ATRNL1: variants seen among roughly 807,000 people sequenced by gnomAD.
ATRNL1 encodes attractin-like protein 1.
Under a neutral mutation model 182.7 loss-of-function variants are expected in ATRNL1, and 95 were observed. The observed-to-expected ratio is 0.52, with a 90% CI of 0.44 to 0.62. The LOEUF is 0.62. Ranked by LOEUF, ATRNL1 falls within the 20% of genes least tolerant of loss-of-function variation. ATRNL1 has a pLI of 0.00. For synonymous variants in ATRNL1, 576 were observed against 568.3 expected (o/e 1.01, Z -0.19); for missense variants, 1,471 against 1,679.5 (o/e 0.88, Z 2.17).
In ATRNL1 at chr10:115,937,578, A is replaced by G. The variant is rs144701106; in HGVS notation, c.4019-7080A>G. Among the ~76,000 whole-genome samples, 710 of 152,378 alleles carry G rather than the reference A, an allele frequency of 4.7e-3. 2 individuals carry two copies. The highest frequency in any genetic ancestry group is 0.014 in the Middle Eastern group (4 of 294). On this transcript the variant is annotated intron_variant, in intron 28 of 28. Transcript: ENST00000355044. ...TAGTTGCATATTGGCGAGGGTGGCC[A>G]CACCGAATGTTAAATTAAGTCTGCA...
intron 28 of ATRNL1, among the ~76,000 whole-genome samples, chr10:115,938,458 G>A (rs1555123385): frequency 6.6e-6 from 1 of 152,140 alleles, no homozygotes; most frequent in African/African-American, 2.4e-5. Context: ...AATTTCAGGA[G>A]GCATATATTG....
chr10:115,528,037 TCTTCCTTCCTTCCTTC>T (rs782541010), intron 25 of ATRNL1, among the ~76,000 whole-genome samples: 15 of 53,488 alleles, frequency 2.8e-4, no homozygotes, highest in Non-Finnish European at 4.3e-4. Context: ...CTCCTTCCTT[TCTTCCTTCCTTCCTTC>T]CTTCCTTCCT....
intron 27 of ATRNL1, among the ~76,000 whole-genome samples, chr10:115,829,465 C>T (rs997771191): frequency 5.3e-5 from 8 of 150,310 alleles, no homozygotes; most frequent in African/African-American, 2.0e-4. Context: ...ACTTTGCAGT[C>T]TCTTCAGGAG....
chr10:115,836,155 T>G, intron 27 of ATRNL1, among the ~76,000 whole-genome samples: 1 of 152,160 alleles, frequency 6.6e-6, no homozygotes, highest in East Asian at 1.9e-4. Context: ...CATAACTAAG[T>G]GAATCTCCCT....
At chr10:115,747,020 T>A (rs1948311741) in intron 27 of ATRNL1, among the ~76,000 whole-genome samples, 1 of 152,046 alleles carries the variant, frequency 6.6e-6, no homozygotes, top group African/African-American at 2.4e-5. Context: ...AGCAATAACA[T>A]TAAGATAACG....
At chr10:115,515,306 A>G (rs1850580522) in intron 24 of ATRNL1, among the ~76,000 whole-genome samples, 1 of 145,976 alleles carries the variant, frequency 6.9e-6, no homozygotes, top group African/African-American at 2.5e-5. Context: ...TACTTTTGTT[A>G]GAATAGTTGT....
At chr10:115,500,850 A>AT (rs1333324752) in intron 24 of ATRNL1, among the ~76,000 whole-genome samples, 11 of 109,078 alleles carry the variant, frequency 1.0e-4, no homozygotes, top group Middle Eastern at 6.7e-3. Flanking sequence ...CCAAATAATT[A>AT]TTTTTTTTAT....
chr10:115,566,852 T>C (rs1592863155), intron 26 of ATRNL1, among the ~76,000 whole-genome samples: 1 of 151,050 alleles, frequency 6.6e-6, no homozygotes. Flanking sequence ...ATTGTGGCTG[T>C]AGTTATTCTG....
intron 26 of ATRNL1, among the ~76,000 whole-genome samples, chr10:115,631,642 A>C (rs1211593982): frequency 6.6e-6 from 1 of 152,118 alleles, no homozygotes; most frequent in Non-Finnish European, 1.5e-5. Context: ...TGTTGATACC[A>C]CACCTTGAGG....
chr10:115,754,533 A>G (rs957029436), intron 27 of ATRNL1, among the ~76,000 whole-genome samples: 8 of 152,096 alleles, frequency 5.3e-5, no homozygotes, highest in East Asian at 1.9e-4. Context: ...ATTGGTTTAT[A>G]TATCTGTTTT....
chr10:115,368,616 A>T (rs1857208365), intron 19 of ATRNL1, among the ~76,000 whole-genome samples: 1 of 152,004 alleles, frequency 6.6e-6, no homozygotes, highest in African/African-American at 2.4e-5. Context: ...TCTAACAAAA[A>T]CTTTGTACAT....
chr10:115,543,924 C>A (rs543856047), intron 25 of ATRNL1, among the ~76,000 whole-genome samples: 4 of 151,540 alleles, frequency 2.6e-5, no homozygotes, highest in African/African-American at 9.7e-5. Context: ...CTTTTTACTC[C>A]CTATTTCCTT....
Position 115,946,891 on chromosome 10 carries a change from T to C in ATRNL1, c.*2112T>C, listed in dbSNP as rs1454637093. On this transcript the variant is annotated 3_prime_UTR_variant, in exon 29 of 29. Coordinates refer to ENST00000355044, the MANE Select transcript of ATRNL1 (RefSeq NM_207303.4). ...AAATACAAAAACATACAGATTTAGA[T>C]GTAAAATCTATATAAGCTATATTTT... The C allele has an allele frequency of 1.3e-5, 2 of 152,210 alleles. No homozygotes were observed. Among genetic ancestry groups the C allele is most frequent in the Non-Finnish European group, 2.9e-5 (2 of 68,028 alleles). 9.4% of individuals were successfully genotyped at this position (152,210 alleles called of 1,614,324 possible).
chr10:115,458,375 T>C (rs1373279173), intron 21 of ATRNL1, among the ~76,000 whole-genome samples: 3 of 152,152 alleles, frequency 2.0e-5, no homozygotes, highest in African/African-American at 7.2e-5. Flanking sequence ...CTAAATTTTC[T>C]TTCTTTATAG....
chr10:115,530,860 T>G (rs553622169), intron 25 of ATRNL1, among the ~76,000 whole-genome samples: 2 of 145,112 alleles, frequency 1.4e-5, no homozygotes, highest in African/African-American at 5.1e-5. Context: ...TTCCCACCTA[T>G]GAGTGAGAAC....
chr10:115,224,091 A>C (rs1849600353), intron 9 of ATRNL1, among the ~76,000 whole-genome samples: 3 of 150,970 alleles, frequency 2.0e-5, no homozygotes, highest in Admixed American at 6.6e-5. Context: ...ATGTGCCACC[A>C]CGCCTGGCAA....
intron 26 of ATRNL1, among the ~76,000 whole-genome samples, chr10:115,683,828 A>G (rs1555045492): frequency 6.6e-6 from 1 of 151,888 alleles, no homozygotes; most frequent in Non-Finnish European, 1.5e-5. Context: ...AAGAATTGAT[A>G]TAATTTATGT....
In ATRNL1 at chr10:115,945,566, C is replaced by G. The variant is rs1953858879; in HGVS notation, c.*787C>G. ...CTCCAATACCACAACCTGAAAAGAG[C>G]CGAAATGGTTATTTTACAGCATACA... is the stretch of plus-strand genomic sequence containing the variant. On this transcript the variant is annotated 3_prime_UTR_variant, in exon 29 of 29. Transcript: ENST00000355044. The G allele has an allele frequency of 6.6e-6, 1 of 152,140 alleles. No homozygotes were observed. Among genetic ancestry groups the G allele is most frequent in the African/African-American group, 2.4e-5 (1 of 41,426 alleles). The allele number at this position is 152,140 out of a possible 1,614,324, so 9.4% of individuals were successfully genotyped here. A position where few individuals can be genotyped will look rare whatever the true frequency, so the allele number is the denominator to read the frequency against.
intron 26 of ATRNL1, among the ~76,000 whole-genome samples, chr10:115,623,159 A>C (rs1431609310): frequency 6.6e-6 from 1 of 152,210 alleles, no homozygotes; most frequent in South Asian, 2.1e-4. Context: ...TTGATTTATA[A>C]GGTATATGGA....
Sources: gnomAD v4.1 joint callset for allele counts (sites outside exome capture counted in the v4.1 genomes callset) on GRCh38, gnomAD v4.1.1 for gene constraint, MANE v1.5 for transcripts, NCBI Gene and HGNC (gene_info 2026-07-23, HGNC 2026-07-21) for gene names.